NSD1: variants seen among roughly 807,000 people sequenced by gnomAD.
The protein encoded by NSD1 is histone-lysine N-methyltransferase, H3 lysine-36 specific.
A neutral mutation model predicts 242.7 loss-of-function variants in NSD1; 26 were observed. That is an observed-to-expected ratio of 0.11 (90% CI 0.08 to 0.15). The LOEUF (loss-of-function observed/expected upper bound fraction) is 0.15. NSD1 is among the 10% of genes least tolerant of loss of function. The probability of loss-of-function intolerance (pLI) is 1.00; values close to 1 mark genes in which losing one functional copy is unlikely to be tolerated. For synonymous variants in NSD1, 1,106 were observed against 1,178.1 expected (o/e 0.94, Z 1.25); for missense variants, 2,495 against 3,272.8 (o/e 0.76, Z 5.80).
intron 4 of NSD1, among the ~76,000 whole-genome samples, chr5:177,209,075 G>T (rs1297246459): frequency 2.0e-5 from 3 of 152,056 alleles, no homozygotes; most frequent in Non-Finnish European, 2.9e-5. Flanking sequence ...AGGGAGGGTG[G>T]AGTGTTTGTG....
chr5:177,135,667 G>T lies in NSD1; in HGVS notation c.564G>T (p.Gln188His). The T allele has an allele frequency of 1.9e-6, 3 of 1,614,194 alleles. No homozygotes were observed. Among genetic ancestry groups the T allele is most frequent in the South Asian group, 2.2e-5 (2 of 91,064 alleles). ...ESIEEIFEET[Q>H]TNATCNYETK... ...TAGAGGAGATCTTTGAGGAAACTCA[G>T]ACCAATGCCACCTGCAATTATGAGA... Residue 188 changes from glutamine (Q) to histidine (H), a missense_variant, in exon 2 of 23, where the codon CAG (glutamine) becomes CAT (histidine). Gln to His is a conservative substitution (Grantham distance 24). This residue lies in a region of NSD1 where 376 missense variants were observed against 367.4 expected (regional missense o/e 1.02). Transcript: ENST00000439151.
At chr5:177,233,708 A>G (rs1324079455) in intron 5 of NSD1, among the ~76,000 whole-genome samples, 1 of 152,040 alleles carries the variant, frequency 6.6e-6, no homozygotes, top group Non-Finnish European at 1.5e-5. Flanking sequence ...GATTGGTTTC[A>G]CAAACATTTT....
At chr5:177,203,415 A>C (rs1397371567) in intron 3 of NSD1, among the ~76,000 whole-genome samples, 1 of 152,184 alleles carries the variant, frequency 6.6e-6, no homozygotes, top group East Asian at 1.9e-4. Context: ...TGGTTTTATT[A>C]CTGGTAGGCT....
In NSD1 at chr5:177,245,902, G is replaced by T. The variant is rs539635732; in HGVS notation, c.4379-776G>T. On this transcript the variant is annotated intron_variant, in intron 9 of 22. Coordinates refer to ENST00000439151, the MANE Select transcript of NSD1 (RefSeq NM_022455.5). Reference sequence around the variant, plus strand: ...TCTGTCCACCTTGGCCTCCCAAAGTGCTGGGATTACAGGCATGAGCCACCC... The same window carrying T: ...TCTGTCCACCTTGGCCTCCCAAAGTTCTGGGATTACAGGCATGAGCCACCC... Among the ~76,000 whole-genome samples, 13 of 152,072 alleles carry T rather than the reference G, an allele frequency of 8.5e-5. No homozygotes were observed. The South Asian group carries it at 2.7e-3, about 32-fold the overall frequency.
At chr5:177,162,297 T>C (rs554956721) in intron 2 of NSD1, among the ~76,000 whole-genome samples, 212 of 142,616 alleles carry the variant, frequency 1.5e-3, no homozygotes, top group Non-Finnish European at 2.9e-3. Flanking sequence ...GACTCGGTCT[T>C]AAAAAAAAAA....
Position 177,295,930 on chromosome 5 carries a change from G to A in NSD1, c.*471G>A. 1 of 337,402 alleles carries A rather than the reference G, an allele frequency of 3.0e-6. No individual in the cohort carries two copies. The highest frequency in any genetic ancestry group is 5.6e-6 in the Non-Finnish European group (1 of 179,986). 20.9% of individuals were successfully genotyped at this position (337,402 alleles called of 1,614,324 possible). On this transcript the variant is annotated 3_prime_UTR_variant, in exon 23 of 23. Transcript: ENST00000439151. The surrounding 1 kb of genome is among the most constrained non-coding windows in gnomAD (Gnocchi z 4.3). ...AGCATTCACGTGTTCTAGGCCGGGT[G>A]CTAGTCACTGATGAGAGATACAGGC...
chr5:177,182,480 A>G (rs537220347), intron 2 of NSD1, among the ~76,000 whole-genome samples: 1 of 152,238 alleles, frequency 6.6e-6, no homozygotes, highest in African/African-American at 2.4e-5. Context: ...AGGCTCAAGT[A>G]CAGTGATAAA....
In NSD1 at chr5:177,295,832, C is replaced by G; in HGVS notation, c.*373C>G. The G allele has an allele frequency of 2.3e-6, 1 of 430,978 alleles. No homozygotes were observed. The highest frequency in any genetic ancestry group is 4.0e-5 in the East Asian group (1 of 25,270). 26.7% of individuals were successfully genotyped at this position (430,978 alleles called of 1,614,324 possible). ...TCTCAAAGCGATTTCCCCAACCAGA[C>G]AGAGCCCCATTGAGGGCACCTAGGA... is the stretch of plus-strand genomic sequence containing the variant. On this transcript the variant is annotated 3_prime_UTR_variant, in exon 23 of 23. Coordinates refer to ENST00000439151, the MANE Select transcript of NSD1 (RefSeq NM_022455.5). This position sits in a 1 kb window ranked among gnomAD's most constrained non-coding sequence, Gnocchi z 4.3.
intron 2 of NSD1, among the ~76,000 whole-genome samples, chr5:177,158,253 CTT>C (rs778872544): frequency 4.5e-5 from 4 of 88,466 alleles, no homozygotes; most frequent in African/African-American, 2.4e-4. Context: ...TTCTTTCTTT[CTT>C]TCTTTCTTTC....
intron 5 of NSD1, among the ~76,000 whole-genome samples, chr5:177,213,585 A>G (rs1581333166): frequency 6.6e-6 from 1 of 151,994 alleles, no homozygotes; most frequent in East Asian, 1.9e-4. Context: ...CTCCTGCCTC[A>G]GCCTCCTGAG....
At chr5:177,250,562 GTTT>G (rs34022431) in intron 11 of NSD1, among the ~76,000 whole-genome samples, 2 of 140,296 alleles carry the variant, frequency 1.4e-5, no homozygotes, top group South Asian at 2.3e-4. Context: ...CTGAAGGTCA[GTTT>G]TTTTTTTTTT....
At chr5:177,271,520 G>T (rs1757942733) in intron 16 of NSD1, among the ~76,000 whole-genome samples, 1 of 152,118 alleles carries the variant, frequency 6.6e-6, no homozygotes, top group Non-Finnish European at 1.5e-5. Context: ...GACTCTTATA[G>T]TAGGGCCAGA....
intron 2 of NSD1, among the ~76,000 whole-genome samples, chr5:177,180,808 AAGT>A (rs1760601823): frequency 2.0e-5 from 3 of 147,628 alleles, no homozygotes; most frequent in Admixed American, 6.8e-5. Flanking sequence ...TCAGCCTCCC[AAGT>A]AGCTGGGATT....
Position 177,189,481 on chromosome 5 carries a change from A to G in NSD1, c.928-2403A>G, listed in dbSNP as rs75651543. Among the ~76,000 whole-genome samples the G allele has an allele frequency of 2.9e-3, 448 of 152,356 alleles. 4 individuals carry two copies. The highest frequency in any genetic ancestry group is 0.013 in the South Asian group (63 of 4,828). ...ACCAACAACATGTGCTAGATTGGTT[A>G]TAGTTAAATTTGTCATAAAGCATAT... is the stretch of plus-strand genomic sequence containing the variant. On this transcript the variant is annotated intron_variant, in intron 2 of 22. Transcript: ENST00000439151.
intron 5 of NSD1, among the ~76,000 whole-genome samples, chr5:177,215,330 C>G (rs1418943343): frequency 6.6e-6 from 1 of 151,326 alleles, no homozygotes; most frequent in Non-Finnish European, 1.5e-5. Flanking sequence ...GCATATACCA[C>G]CACGCCTAGC....
chr5:177,230,306 A>G (rs892580409), intron 5 of NSD1, among the ~76,000 whole-genome samples: 1 of 151,822 alleles, frequency 6.6e-6, no homozygotes, highest in Non-Finnish European at 1.5e-5. Context: ...CAAAGTAGAA[A>G]AGTGCCAGAT....
intron 17 of NSD1, among the ~76,000 whole-genome samples, chr5:177,277,537 CT>C (rs1758495985): frequency 6.6e-6 from 1 of 152,168 alleles, no homozygotes; most frequent in Non-Finnish European, 1.5e-5. Flanking sequence ...ATATCCATGT[CT>C]TTGTTCTTAA....
intron 2 of NSD1, among the ~76,000 whole-genome samples, chr5:177,177,563 T>C (rs1760310822): frequency 1.3e-5 from 2 of 151,898 alleles, no homozygotes; most frequent in Non-Finnish European, 2.9e-5. Flanking sequence ...ACAACAAGGA[T>C]TGCTTGAGCC....
chr5:177,172,391 TG>T (rs1201119701), intron 2 of NSD1, among the ~76,000 whole-genome samples: 3 of 152,168 alleles, frequency 2.0e-5, no homozygotes, highest in African/African-American at 7.2e-5. Context: ...GACATAATTG[TG>T]CTTAGGCTTT....
Sources: gnomAD v4.1 joint callset for allele counts (sites outside exome capture counted in the v4.1 genomes callset) on GRCh38, gnomAD v4.1.1 for gene constraint, gnomAD v4.1.1 regional missense constraint, Gnocchi (gnomAD v3.1) non-coding constraint, MANE v1.5 for transcripts, NCBI Gene and HGNC (gene_info 2026-07-23, HGNC 2026-07-21) for gene names.